The following TRPM3 variants were observed in gnomAD, a reference collection of about 807,000 sequenced individuals.
The protein encoded by TRPM3 is transient receptor potential cation channel subfamily M member 3.
TRPM3 carries 77 observed loss-of-function variants against 181.2 expected under a neutral mutation model. The observed-to-expected ratio is 0.42, with a 90% CI of 0.35 to 0.51. The LOEUF is 0.51. Ranked by LOEUF, TRPM3 falls within the 20% of genes least tolerant of loss-of-function variation. TRPM3 has a pLI of 0.01. For synonymous variants in TRPM3, 745 were observed against 796.4 expected, an observed-to-expected ratio of 0.94 and a Z score of 1.09; for missense variants, 1,759 against 2,196.7, an observed-to-expected ratio of 0.80 and a Z score of 3.98.
intron 1 of TRPM3, among the ~76,000 whole-genome samples, chr9:70,899,889 T>TA (rs1441436977): frequency 6.6e-6 from 1 of 152,218 alleles, no homozygotes; most frequent in African/African-American, 2.4e-5. Flanking sequence ...AATCACTGGA[T>TA]AAATATATAC....
At chr9:71,209,045 C>A (rs529006557) in intron 1 of TRPM3, among the ~76,000 whole-genome samples, 1 of 152,212 alleles carries the variant, frequency 6.6e-6, no homozygotes, top group Non-Finnish European at 1.5e-5. Flanking sequence ...ACTTTGATCA[C>A]TTTAATTATT....
chr9:70,591,751 C>T (rs1008414815), intron 21 of TRPM3, among the ~76,000 whole-genome samples: 4 of 152,182 alleles, frequency 2.6e-5, no homozygotes, highest in Non-Finnish European at 2.9e-5. Flanking sequence ...TGCCTATAAA[C>T]GAAGCTAGGA....
intron 1 of TRPM3, among the ~76,000 whole-genome samples, chr9:71,015,627 G>T (rs913936255): frequency 2.6e-5 from 4 of 152,082 alleles, no homozygotes; most frequent in African/African-American, 4.8e-5. Context: ...TTTAAAGAGG[G>T]TTTCCCTTAT....
chr9:71,257,664 G>A (rs555614878), intron 1 of TRPM3, among the ~76,000 whole-genome samples: 3 of 152,278 alleles, frequency 2.0e-5, no homozygotes, highest in African/African-American at 7.2e-5. Flanking sequence ...AATTGTGTAT[G>A]TATAGCCCTC....
chr9:70,895,211 C>T (rs528461637), intron 1 of TRPM3, among the ~76,000 whole-genome samples: 2 of 152,300 alleles, frequency 1.3e-5, no homozygotes, highest in Non-Finnish European at 2.9e-5. Flanking sequence ...TTTCTTTACA[C>T]AATTCTCAAA....
At chr9:70,560,914 G>A (rs1419750286) in intron 22 of TRPM3, among the ~76,000 whole-genome samples, 1 of 151,924 alleles carries the variant, frequency 6.6e-6, no homozygotes, top group Non-Finnish European at 1.5e-5. Flanking sequence ...TAATATGCAG[G>A]GAAAAGAAGT....
intron 1 of TRPM3, among the ~76,000 whole-genome samples, chr9:71,146,556 C>G (rs1240514201): frequency 6.6e-6 from 1 of 152,120 alleles, no homozygotes; most frequent in Non-Finnish European, 1.5e-5. Context: ...CAATTATGCC[C>G]CAGGGAGCAC....
chr9:70,921,208 G>T (rs1407329847), intron 1 of TRPM3, among the ~76,000 whole-genome samples: 1 of 152,048 alleles, frequency 6.6e-6, no homozygotes, highest in Non-Finnish European at 1.5e-5. Context: ...TTTTACCACA[G>T]TTCTCATTTT....
chr9:71,001,599 A>G (rs781072315), intron 1 of TRPM3, among the ~76,000 whole-genome samples: 9 of 152,212 alleles, frequency 5.9e-5, no homozygotes, highest in Non-Finnish European at 1.3e-4. Context: ...GACATTGTGA[A>G]AAAGAAAACC....
At chr9:71,276,819 C>T (rs2084252174) in intron 1 of TRPM3, among the ~76,000 whole-genome samples, 1 of 152,028 alleles carries the variant, frequency 6.6e-6, no homozygotes, top group African/African-American at 2.4e-5. Flanking sequence ...AAATTTTTGC[C>T]TATATGTACC....
intron 6 of TRPM3, among the ~76,000 whole-genome samples, chr9:70,799,104 A>G (rs1489686039): frequency 6.6e-6 from 1 of 152,240 alleles, no homozygotes; most frequent in East Asian, 1.9e-4. Flanking sequence ...AACATTAACA[A>G]AGGTTTACAT....
chr9:71,096,732 A>G (rs1220784391), intron 1 of TRPM3, among the ~76,000 whole-genome samples: 1 of 151,976 alleles, frequency 6.6e-6, no homozygotes, highest in Non-Finnish European at 1.5e-5. Context: ...ATCTGTAAAC[A>G]AACAGTCCTT....
chr9:71,280,525 A>C (rs1588264704), intron 1 of TRPM3, among the ~76,000 whole-genome samples: 2 of 152,184 alleles, frequency 1.3e-5, no homozygotes. Flanking sequence ...AAAAAAAAGA[A>C]AAGAAAAGAA....
At chr9:71,385,333 G>T (rs1222456950) in intron 1 of TRPM3, among the ~76,000 whole-genome samples, 1 of 152,138 alleles carries the variant, frequency 6.6e-6, no homozygotes, top group African/African-American at 2.4e-5. Flanking sequence ...TGTAAAATTT[G>T]GTACCCAGCA....
At chr9:71,409,428 T>C (rs975027391) in intron 1 of TRPM3, among the ~76,000 whole-genome samples, 7 of 151,384 alleles carry the variant, frequency 4.6e-5, no homozygotes, top group African/African-American at 1.7e-4. Flanking sequence ...ACCAAGCAAA[T>C]GGAAAACAAA....
intron 1 of TRPM3, among the ~76,000 whole-genome samples, chr9:71,338,983 A>G (rs1396039938): frequency 6.6e-6 from 1 of 152,184 alleles, no homozygotes; most frequent in African/African-American, 2.4e-5. Flanking sequence ...GAATGGCTAG[A>G]GAACCAATGG....
At chr9:70,917,397 G>T in intron 1 of TRPM3, 3 of 879,960 alleles carry the variant, frequency 3.4e-6, no homozygotes, top group Non-Finnish European at 5.8e-6. Context: ...CAAGAGCTCA[G>T]TGGGGACACC....
At chr9:71,348,614 G>C (rs1438639206) in intron 1 of TRPM3, among the ~76,000 whole-genome samples, 1 of 150,726 alleles carries the variant, frequency 6.6e-6, no homozygotes, top group East Asian at 1.9e-4. Flanking sequence ...CTGTCACCTA[G>C]GCTGGAGTGC....
chr9:70,999,621 A>C (rs887160283), intron 1 of TRPM3, among the ~76,000 whole-genome samples: 4 of 152,212 alleles, frequency 2.6e-5, no homozygotes, highest in African/African-American at 7.2e-5. Flanking sequence ...AGTGTCATGG[A>C]GCTGGCATAC....
Sources: gnomAD v4.1 joint callset for allele counts (sites outside exome capture counted in the v4.1 genomes callset) on GRCh38, gnomAD v4.1.1 for gene constraint, MANE v1.5 for transcripts, NCBI Gene and HGNC (gene_info 2026-07-23, HGNC 2026-07-21) for gene names.